Variants in GRID1 observed in about 807,000 individuals in gnomAD.
GRID1 encodes the protein glutamate ionotropic receptor delta type subunit 1.
A neutral mutation model predicts 98.0 loss-of-function variants in GRID1; 28 were observed. The observed-to-expected ratio is 0.29, with a 90% CI of 0.21 to 0.39. The LOEUF (loss-of-function observed/expected upper bound fraction) is 0.39, where lower values mean the gene tolerates loss of function less well. Ranked by LOEUF, GRID1 falls within the 10% of genes least tolerant of loss-of-function variation. The pLI is 1.00. For missense variants in GRID1, 1,111 were observed against 1,340.5 expected, an observed-to-expected ratio of 0.83 and a Z score of 2.67; for synonymous variants, 553 against 538.5, an observed-to-expected ratio of 1.03 and a Z score of -0.37.
intron 4 of GRID1, among the ~76,000 whole-genome samples, chr10:86,090,218 G>C (rs939944606): frequency 6.6e-6 from 1 of 150,784 alleles, no homozygotes; most frequent in African/African-American, 2.4e-5. Flanking sequence ...AAGAGATCAA[G>C]ACCAGCCTGG....
At chr10:86,316,089 C>A (rs113010665) in intron 2 of GRID1, among the ~76,000 whole-genome samples, 16 of 152,188 alleles carry the variant, frequency 1.1e-4, no homozygotes, top group Admixed American at 1.0e-3. Context: ...AAATATAAGA[C>A]TAGATAGCCA....
At chr10:86,215,058 G>A (rs1243245206) in intron 2 of GRID1, among the ~76,000 whole-genome samples, 1 of 152,220 alleles carries the variant, frequency 6.6e-6, no homozygotes, top group African/African-American at 2.4e-5. Context: ...TCCTTCTAAG[G>A]AGGGGTTCAC....
intron 8 of GRID1, among the ~76,000 whole-genome samples, chr10:85,758,599 G>C (rs1842120018): frequency 6.6e-6 from 1 of 152,192 alleles, no homozygotes; most frequent in Non-Finnish European, 1.5e-5. Flanking sequence ...CTGTCTCATA[G>C]TGTCTCACCA....
At chr10:85,790,542 G>A (rs557949344) in intron 8 of GRID1, among the ~76,000 whole-genome samples, 4 of 152,186 alleles carry the variant, frequency 2.6e-5, no homozygotes, top group African/African-American at 9.6e-5. Flanking sequence ...CAGAGGGAGT[G>A]GGGGGAAGGG....
At chr10:86,065,145 A>T (rs1286007880) in intron 4 of GRID1, among the ~76,000 whole-genome samples, 1 of 152,158 alleles carries the variant, frequency 6.6e-6, no homozygotes, top group Non-Finnish European at 1.5e-5. Context: ...TCTATCTGAG[A>T]TTGCAACCCT....
chr10:85,821,530 A>G lies in GRID1; in HGVS notation c.1233+32966T>C, dbSNP rs200697653. ...AGACTTCATCTCAAAAAAAAAAAAA[A>G]AAAAAAAAAAAAAAAGAAAACAGAT... On this transcript the variant is annotated intron_variant, in intron 8 of 15. Coordinates refer to ENST00000327946, the MANE Select transcript of GRID1 (RefSeq NM_017551.3). Among the ~76,000 whole-genome samples, 79 of 105,548 alleles carry G rather than the reference A, an allele frequency of 7.5e-4. 4 individuals carry two copies. Among genetic ancestry groups the G allele is most frequent in the African/African-American group, 2.5e-3 (64 of 25,920 alleles). 69.2% of individuals were successfully genotyped at this position (105,548 alleles called of 152,430 possible).
At chr10:85,936,964 A>C (rs1478821781) in intron 4 of GRID1, among the ~76,000 whole-genome samples, 1 of 152,188 alleles carries the variant, frequency 6.6e-6, no homozygotes, top group Non-Finnish European at 1.5e-5. Flanking sequence ...TGTGGCCATT[A>C]CCCAATTTTA....
intron 2 of GRID1, among the ~76,000 whole-genome samples, chr10:86,237,009 C>T (rs146551388): frequency 8.2e-4 from 125 of 152,194 alleles, no homozygotes; most frequent in Non-Finnish European, 1.3e-3. Context: ...TGGGCAGGCA[C>T]GACACAGTCC....
At chr10:86,136,108 A>G (rs1393495933) in intron 4 of GRID1, among the ~76,000 whole-genome samples, 7 of 152,204 alleles carry the variant, frequency 4.6e-5, no homozygotes, top group Non-Finnish European at 7.4e-5. Context: ...CCTTGTCACA[A>G]CAAAGAGGAG....
chr10:86,105,851 C>A (rs1564676398), intron 4 of GRID1, among the ~76,000 whole-genome samples: 1 of 152,184 alleles, frequency 6.6e-6, no homozygotes, highest in Non-Finnish European at 1.5e-5. Context: ...CTGGGCACCA[C>A]AGGTCACCCA....
In GRID1 at chr10:85,918,045, T is replaced by G. The variant is rs559192458; in HGVS notation, c.727-1806A>C. ...AAGTGGAGACAGGGTGGGCTGAGAA[T>G]GCTCTGAGCGCATCGCTGGGCTCTA... On this transcript the variant is annotated intron_variant, in intron 4 of 15. Transcript: ENST00000327946. 8.5e-5 allele frequency among the ~76,000 whole-genome samples: 13 copies of G among 152,342 alleles called. 1 individual carries two copies. Among genetic ancestry groups the G allele is most frequent in the Admixed American group, 2.6e-4 (4 of 15,304 alleles).
intron 4 of GRID1, among the ~76,000 whole-genome samples, chr10:85,923,221 G>T (rs1841729760): frequency 6.6e-6 from 1 of 152,108 alleles, no homozygotes; most frequent in Non-Finnish European, 1.5e-5. Context: ...GCAGGAACAG[G>T]AAACACCCCA....
intron 12 of GRID1, among the ~76,000 whole-genome samples, chr10:85,666,174 C>T (rs1250106482): frequency 1.3e-5 from 2 of 152,186 alleles, no homozygotes; most frequent in South Asian, 2.1e-4. Flanking sequence ...CCAGACTATA[C>T]TGACAGAGAT....
chr10:85,928,686 G>A (rs1009814435), intron 4 of GRID1, among the ~76,000 whole-genome samples: 5 of 152,188 alleles, frequency 3.3e-5, no homozygotes, highest in African/African-American at 1.2e-4. Flanking sequence ...AAAATAATGA[G>A]TTATACACAC....
At chr10:86,154,483 C>T (rs1254894534) in intron 3 of GRID1, among the ~76,000 whole-genome samples, 1 of 152,070 alleles carries the variant, frequency 6.6e-6, no homozygotes, top group African/African-American at 2.4e-5. Context: ...CAGTCCACAC[C>T]CTGGTCTCCA....
At chr10:85,951,733 G>T (rs554352040) in intron 4 of GRID1, among the ~76,000 whole-genome samples, 2 of 152,034 alleles carry the variant, frequency 1.3e-5, no homozygotes, top group Non-Finnish European at 2.9e-5. Flanking sequence ...GATCCCTTTC[G>T]CTGGCCCTGC....
In GRID1 at chr10:86,235,599, T is replaced by C. The variant is rs184449640; in HGVS notation, c.236-28951A>G. Reference sequence around the variant, plus strand: ...GCTACTCATCTGGTTTCTGTCTCTATAGTTTTGCCTTTTTTGGAAATTGCA... The same window carrying C: ...GCTACTCATCTGGTTTCTGTCTCTACAGTTTTGCCTTTTTTGGAAATTGCA... On this transcript the variant is annotated intron_variant, in intron 2 of 15. Coordinates refer to ENST00000327946, the MANE Select transcript of GRID1 (RefSeq NM_017551.3). 4.6e-5 allele frequency among the ~76,000 whole-genome samples: 7 copies of C among 152,362 alleles called. No individual in the cohort carries two copies. The East Asian group carries it at 7.7e-4, about 17-fold the overall frequency.
At chr10:86,191,001 G>A (rs911707814) in intron 3 of GRID1, among the ~76,000 whole-genome samples, 1 of 152,202 alleles carries the variant, frequency 6.6e-6, no homozygotes, top group Admixed American at 6.5e-5. Context: ...TTGTGTGTGT[G>A]AGAAAGAGAG....
At chr10:85,713,215 T>C (rs1376436046) in intron 12 of GRID1, among the ~76,000 whole-genome samples, 2 of 151,196 alleles carry the variant, frequency 1.3e-5, no homozygotes, top group Non-Finnish European at 3.0e-5. Context: ...AAATTATAAA[T>C]GAAAAAGAAG....
Sources: allele counts gnomAD v4.1 joint callset (sites outside exome capture counted in the v4.1 genomes callset), GRCh38; gene constraint gnomAD v4.1.1; transcripts MANE v1.5; gene names NCBI Gene and HGNC (gene_info 2026-07-23, HGNC 2026-07-21).